TOX: variants seen among roughly 807,000 people sequenced by gnomAD.
TOX encodes the protein thymocyte selection-associated high mobility group box protein TOX.
In TOX, 11 loss-of-function variants were observed where a neutral mutation model predicts 53.7. The observed-to-expected ratio is 0.20, with a 90% CI of 0.13 to 0.34. The LOEUF (loss-of-function observed/expected upper bound fraction) is 0.34. Ranked by LOEUF, TOX falls within the 10% of genes least tolerant of loss-of-function variation. The probability of loss-of-function intolerance (pLI) is 1.00; values close to 1 mark genes in which losing one functional copy is unlikely to be tolerated. For synonymous variants in TOX, 225 were observed against 245.3 expected, an observed-to-expected ratio of 0.92 and a Z score of 0.77; for missense variants, 570 against 664.6, an observed-to-expected ratio of 0.86 and a Z score of 1.56.
intron 6 of TOX, 133 bp downstream of exon 6, chr8:58,826,689 G>T: frequency 1.4e-6 from 1 of 711,822 alleles, no homozygotes; most frequent in Non-Finnish European, 2.2e-6. Flanking sequence ...AGCTTTGTTT[G>T]TAATTTACTT....
intron 1 of TOX, among the ~76,000 whole-genome samples, chr8:59,004,040 T>G (rs943172154): frequency 6.6e-6 from 1 of 152,240 alleles, no homozygotes; most frequent in Non-Finnish European, 1.5e-5. Context: ...CTACATTCTA[T>G]TGATTCAAGA....
chr8:58,958,495 T>G (rs927773033), intron 2 of TOX, among the ~76,000 whole-genome samples: 2 of 152,244 alleles, frequency 1.3e-5, no homozygotes, highest in South Asian at 2.1e-4. Flanking sequence ...ACCAGGTTGC[T>G]TTAATCTAAT....
At chr8:58,846,950 T>C (rs1276486766) in intron 4 of TOX, among the ~76,000 whole-genome samples, 1 of 151,990 alleles carries the variant, frequency 6.6e-6, no homozygotes, top group Non-Finnish European at 1.5e-5. Context: ...AAATGCAGAG[T>C]GGAACAAAAT....
At chr8:58,975,716 ATGAC>A in intron 1 of TOX, among the ~76,000 whole-genome samples, 1 of 152,256 alleles carries the variant, frequency 6.6e-6, no homozygotes, top group African/African-American at 2.4e-5. Flanking sequence ...CTTACTGTTG[ATGAC>A]TGCTGACTGA....
In TOX at chr8:58,839,568, T is replaced by A. The variant is rs112216865; in HGVS notation, c.694-1257A>T. On this transcript the variant is annotated intron_variant, in intron 4 of 8. Coordinates refer to ENST00000361421, the MANE Select transcript of TOX (RefSeq NM_014729.3). The stretch of plus-strand genomic sequence containing the variant: ...TAGATGTGATATCAATTCATCCACC[T>A]CTAAAATAAAGCATTTTGGATAGGA... Among the ~76,000 whole-genome samples, 455 of 152,374 alleles carry A rather than the reference T, an allele frequency of 3.0e-3. 4 individuals are homozygous for A. Among genetic ancestry groups the A allele is most frequent in the African/African-American group, 0.01 (434 of 41,592 alleles).
At chr8:58,837,611 A>C (rs767402605) in intron 5 of TOX, among the ~76,000 whole-genome samples, 12 of 152,184 alleles carry the variant, frequency 7.9e-5, no homozygotes, top group Non-Finnish European at 1.2e-4. Flanking sequence ...TGGGGGATTG[A>C]ATAACAGCCC....
At chr8:59,111,192 AG>A (rs1352491927) in intron 1 of TOX, among the ~76,000 whole-genome samples, 1 of 152,184 alleles carries the variant, frequency 6.6e-6, no homozygotes, top group Non-Finnish European at 1.5e-5. Context: ...TATTTTGCCT[AG>A]GGAGTAAGTC....
At chr8:58,830,127 T>C (rs1022718266) in intron 5 of TOX, among the ~76,000 whole-genome samples, 1 of 152,196 alleles carries the variant, frequency 6.6e-6, no homozygotes, top group Non-Finnish European at 1.5e-5. Context: ...AGTTACAAAA[T>C]GGCTTCCAAA....
At chr8:59,042,572 T>C (rs1211544406) in intron 1 of TOX, among the ~76,000 whole-genome samples, 1 of 152,218 alleles carries the variant, frequency 6.6e-6, no homozygotes, top group African/African-American at 2.4e-5. Context: ...CACAAATTCA[T>C]CTTTGCTGAT....
At chr8:58,824,857 A>G (rs755037914) in intron 6 of TOX, among the ~76,000 whole-genome samples, 54 of 152,148 alleles carry the variant, frequency 3.5e-4, no homozygotes, top group Non-Finnish European at 7.2e-4. Flanking sequence ...GGTCAAATGA[A>G]TATACAAATG....
At position 59,045,537 on chromosome 8, in the gene TOX, T is replaced by C. The variant is rs552728598; in HGVS notation, c.102+73349A>G. Among the ~76,000 whole-genome samples the C allele has an allele frequency of 2.4e-4, 36 of 152,284 alleles. No individual in the cohort carries two copies. The East Asian group carries it at 3.1e-3, about 13-fold the overall frequency. ...TTGTTATTTGAATAATGGTACAGTC[T>C]AGATGCATAGTAGTTTGGTCTGTAG... On this transcript the variant is annotated intron_variant, in intron 1 of 8. Coordinates refer to ENST00000361421, the MANE Select transcript of TOX (RefSeq NM_014729.3).
intron 1 of TOX, among the ~76,000 whole-genome samples, chr8:59,095,327 A>G (rs879883045): frequency 6.6e-6 from 1 of 152,240 alleles, no homozygotes; most frequent in Non-Finnish European, 1.5e-5. Context: ...GACTTCTAAC[A>G]TTCATCTCAG....
intron 1 of TOX, among the ~76,000 whole-genome samples, chr8:59,070,034 T>C (rs968338646): frequency 6.6e-6 from 1 of 152,226 alleles, no homozygotes; most frequent in African/African-American, 2.4e-5. Context: ...TAAGCATTTG[T>C]ATTTTCAAGA....
chr8:58,820,590 G>A (rs1810258135), intron 6 of TOX, among the ~76,000 whole-genome samples: 1 of 152,146 alleles, frequency 6.6e-6, no homozygotes, highest in South Asian at 2.1e-4. Context: ...GTCTTTTGAT[G>A]GTGAATTTGA....
chr8:58,963,292 AAGAT>A lies in TOX; in HGVS notation c.103-3288_103-3285del, dbSNP rs1264156837. 1.3e-4 allele frequency among the ~76,000 whole-genome samples: 16 copies of A among 123,618 alleles called. No homozygotes were observed. The South Asian group carries it at 3.5e-3, about 27-fold the overall frequency. The allele number at this position is 123,618 out of a possible 152,430, so 81.1% of individuals were successfully genotyped here. A position where few individuals can be genotyped will look rare whatever the true frequency, so the allele number is the denominator to read the frequency against. On this transcript the variant is annotated intron_variant, in intron 1 of 8. Coordinates refer to ENST00000361421, the MANE Select transcript of TOX (RefSeq NM_014729.3). ...ATACTGAATCTCTTTTGATAGATAG[AAGAT>A]AGATAGATAGATATATATATAGATA...
intron 1 of TOX, among the ~76,000 whole-genome samples, chr8:59,004,608 A>G (rs1287739099): frequency 6.6e-6 from 1 of 152,250 alleles, no homozygotes; most frequent in African/African-American, 2.4e-5. Context: ...GCCTTTGTGT[A>G]GGATTCCAGC....
intron 3 of TOX, among the ~76,000 whole-genome samples, chr8:58,880,812 C>T: frequency 6.6e-6 from 1 of 152,140 alleles, no homozygotes; most frequent in East Asian, 1.9e-4. Flanking sequence ...TGAGAAGAAG[C>T]AATTGGATTT....
Position 58,891,310 on chromosome 8 carries a change from T to A in TOX, c.412-39505A>T, listed in dbSNP as rs565499103. ...TCAAGTACACATTTAGACATGCTAA[T>A]CTAAATAGGAAAAAGAAAAAAGGGA... On this transcript the variant is annotated intron_variant, in intron 3 of 8. Coordinates refer to ENST00000361421, the MANE Select transcript of TOX (RefSeq NM_014729.3). Among the ~76,000 whole-genome samples the A allele has an allele frequency of 2.6e-5, 4 of 151,890 alleles. No individual in the cohort carries two copies. In the South Asian group the frequency reaches 8.3e-4, roughly 32 times the overall value.
intron 6 of TOX, among the ~76,000 whole-genome samples, chr8:58,823,150 A>G (rs1810309616): frequency 1.3e-5 from 2 of 152,224 alleles, no homozygotes; most frequent in Non-Finnish European, 2.9e-5. Context: ...TATTTTTGGC[A>G]GAGTTCAACG....
Sources: allele counts gnomAD v4.1 joint callset (sites outside exome capture counted in the v4.1 genomes callset), GRCh38; gene constraint gnomAD v4.1.1; transcripts MANE v1.5; gene names NCBI Gene and HGNC (gene_info 2026-07-23, HGNC 2026-07-21).